DIAPH2: variants seen among roughly 807,000 people sequenced by gnomAD.
DIAPH2 encodes the protein protein diaphanous homolog 2.
Under a neutral mutation model 92.7 loss-of-function variants are expected in DIAPH2, and 35 were observed. The observed-to-expected ratio is 0.38, with a 90% confidence interval of 0.29 to 0.50. The LOEUF (loss-of-function observed/expected upper bound fraction) is 0.50, where lower values mean the gene tolerates loss of function less well. DIAPH2 is among the 20% of genes least tolerant of loss of function. The pLI is 0.94. For missense variants in DIAPH2, 701 were observed against 819.5 expected (o/e 0.86, Z 1.77); for synonymous variants, 301 against 280.4 (o/e 1.07, Z -0.73).
chrX:96,967,030 T>TA (rs2147827044), intron 17 of DIAPH2, among the ~76,000 whole-genome samples: 1 of 112,214 alleles, frequency 8.9e-6, no homozygotes, highest in South Asian at 3.7e-4. Flanking sequence ...ACTTTCATTT[T>TA]AAAAAATAAT....
chrX:97,021,011 A>G (rs1431457115), intron 17 of DIAPH2, among the ~76,000 whole-genome samples: 1 of 111,436 alleles, frequency 9.0e-6, no homozygotes. Context: ...TATTATATAT[A>G]AGGAAGATTA....
intron 23 of DIAPH2, chrX:97,341,254 G>A (rs985764694): frequency 1.8e-5 from 2 of 109,356 alleles, no homozygotes; most frequent in African/African-American, 6.7e-5. Context: ...AAACAAAGTA[G>A]GTAAAAACTC....
chrX:97,405,662 T>C (rs959223263), intron 25 of DIAPH2, among the ~76,000 whole-genome samples: 4 of 112,117 alleles, frequency 3.6e-5, no homozygotes, highest in Non-Finnish European at 5.6e-5. Context: ...ACCTCTTTTC[T>C]ATTTGGAAAT....
At chrX:97,525,251 C>T (rs2071017197) in intron 26 of DIAPH2, among the ~76,000 whole-genome samples, 1 of 112,287 alleles carries the variant, frequency 8.9e-6, no homozygotes, top group African/African-American at 3.2e-5. Context: ...CAGCAATCTT[C>T]TAAATGGCAT....
At chrX:96,971,623 T>C (rs1373014483) in intron 17 of DIAPH2, among the ~76,000 whole-genome samples, 1 of 111,721 alleles carries the variant, frequency 9.0e-6, no homozygotes, top group African/African-American at 3.3e-5. Flanking sequence ...ACAAAATTCA[T>C]ACAAAACCTC....
chrX:97,353,457 G>A (rs1024085382), intron 24 of DIAPH2, among the ~76,000 whole-genome samples: 5 of 110,898 alleles, frequency 4.5e-5, no homozygotes, highest in Non-Finnish European at 1.9e-5. Flanking sequence ...TTTTAAATCT[G>A]TCAGTTTCCT....
At chrX:97,285,700 G>T (rs1448157276) in intron 23 of DIAPH2, among the ~76,000 whole-genome samples, 5 of 110,598 alleles carry the variant, frequency 4.5e-5, no homozygotes, top group Admixed American at 3.9e-4. Context: ...GGGTTCAAGT[G>T]GTTCTCCCAC....
intron 17 of DIAPH2, among the ~76,000 whole-genome samples, chrX:97,025,704 C>A (rs1278082089): frequency 8.9e-6 from 1 of 111,939 alleles, no homozygotes; most frequent in Non-Finnish European, 1.9e-5. Flanking sequence ...AAGTTACATA[C>A]CCAGAGATCA....
intron 19 of DIAPH2, among the ~76,000 whole-genome samples, chrX:97,098,044 A>C (rs781438200): frequency 9.0e-6 from 1 of 111,338 alleles, no homozygotes; most frequent in African/African-American, 3.3e-5. Context: ...GTGCCATTGC[A>C]GGCCCAGAGT....
intron 24 of DIAPH2, among the ~76,000 whole-genome samples, chrX:97,364,277 T>G (rs1331688555): frequency 2.7e-5 from 3 of 111,701 alleles, no homozygotes. Context: ...CAAATTGGCA[T>G]CTTCCTGGGA....
At chrX:97,331,618 A>G (rs1198689952) in intron 23 of DIAPH2, among the ~76,000 whole-genome samples, 1 of 112,317 alleles carries the variant, frequency 8.9e-6, no homozygotes, top group Non-Finnish European at 1.9e-5. Flanking sequence ...TATTACCTAT[A>G]TTGAATAAAT....
chrX:96,797,310 G>A (rs1033898992), intron 4 of DIAPH2, among the ~76,000 whole-genome samples: 8 of 110,431 alleles, frequency 7.2e-5, no homozygotes, highest in South Asian at 7.7e-4. Flanking sequence ...GTGAAACCCC[G>A]TCTCTACTAA....
At chrX:97,516,861 C>T (rs765290075) in intron 26 of DIAPH2, among the ~76,000 whole-genome samples, 6 of 112,264 alleles carry the variant, frequency 5.3e-5, no homozygotes, top group Admixed American at 1.9e-4. Context: ...TACAGGCATG[C>T]GCCACTGTAT....
At chrX:96,744,250 A>G (rs2064136408) in intron 3 of DIAPH2, among the ~76,000 whole-genome samples, 1 of 112,086 alleles carries the variant, frequency 8.9e-6, no homozygotes, top group Admixed American at 9.5e-5. Flanking sequence ...TGAAACTAAA[A>G]CATTTAAGTG....
chrX:97,091,814 A>C (rs2066827806), intron 19 of DIAPH2, among the ~76,000 whole-genome samples: 1 of 111,609 alleles, frequency 9.0e-6, no homozygotes, highest in African/African-American at 3.3e-5. Flanking sequence ...ACCAAAGAAT[A>C]ATCACTTTAA....
At chrX:97,301,883 C>G (rs2068708898) in intron 23 of DIAPH2, among the ~76,000 whole-genome samples, 1 of 110,926 alleles carries the variant, frequency 9.0e-6, no homozygotes, top group Admixed American at 9.6e-5. Context: ...CTGTATACCC[C>G]AGTCAATAAG....
At chrX:97,191,696 A>G (rs2067655080) in intron 22 of DIAPH2, among the ~76,000 whole-genome samples, 1 of 112,664 alleles carries the variant, frequency 8.9e-6, no homozygotes, top group South Asian at 3.7e-4. Context: ...GATCCAAAGT[A>G]TAACACAAAC....
intron 5 of DIAPH2, among the ~76,000 whole-genome samples, chrX:96,892,659 A>G (rs1032233579): frequency 8.9e-6 from 1 of 111,947 alleles, no homozygotes; most frequent in African/African-American, 3.2e-5. Context: ...TATGTGTCAT[A>G]CATTATTTTA....
chrX:97,294,901 C>T (rs986803276), intron 23 of DIAPH2, among the ~76,000 whole-genome samples: 2 of 111,019 alleles, frequency 1.8e-5, no homozygotes, highest in Non-Finnish European at 3.8e-5. Context: ...CTCTATTTTA[C>T]CTTCTTTCTT....
Sources: allele counts gnomAD v4.1 joint callset (sites outside exome capture counted in the v4.1 genomes callset), GRCh38; gene constraint gnomAD v4.1.1; transcripts MANE v1.5; gene names NCBI Gene and HGNC (gene_info 2026-07-23, HGNC 2026-07-21).